Variants in RNF150 observed in about 807,000 individuals in gnomAD.
RNF150 encodes the protein ring finger protein 150.
In RNF150, 24 loss-of-function variants were observed where a neutral mutation model predicts 39.3. That is an observed-to-expected ratio of 0.61 (90% CI 0.44 to 0.86). The LOEUF (loss-of-function observed/expected upper bound fraction) is 0.86. Among genes scored for constraint, RNF150 ranks in the 40% least tolerant of loss-of-function variants. The pLI, the probability that RNF150 is intolerant of heterozygous loss-of-function variation, is 0.00. For missense variants in RNF150, 502 were observed against 587.8 expected (o/e 0.85, Z 1.51); for synonymous variants, 255 against 227.3 (o/e 1.12, Z -1.10).
At chr4:140,983,654 C>A (rs571729860) in intron 1 of RNF150, among the ~76,000 whole-genome samples, 1 of 151,100 alleles carries the variant, frequency 6.6e-6, no homozygotes, top group African/African-American at 2.4e-5. Context: ...TCTAGGCATG[C>A]GTGGAAAGAG....
chr4:140,967,686 G>T lies in RNF150; in HGVS notation c.672C>A (p.Leu224=). The T allele has an allele frequency of 1.2e-6, 2 of 1,613,398 alleles. No homozygotes were observed. Among genetic ancestry groups the T allele is most frequent in the Non-Finnish European group, 1.7e-6 (2 of 1,179,514 alleles). ...GGATGTAATAAAAGACGAGCCATGCGAGGGAAATGATCATCAGGACAATGA... is the reference window on the plus strand; with the variant it reads ...GGATGTAATAAAAGACGAGCCATGCTAGGGAAATGATCATCAGGACAATGA... The part of the protein sequence containing the change: ...ISFIVLMIIS[L]AWLVFYYIQR... The change falls in exon 2 of 7, where the codon CTC becomes CTA. Residue 224 remains leucine (L), a synonymous_variant. Coordinates refer to ENST00000515673, the MANE Select transcript of RNF150 (RefSeq NM_020724.2).
intron 2 of RNF150, among the ~76,000 whole-genome samples, chr4:140,965,063 C>G (rs4956496): frequency 0.45 from 68,398 of 151,784 alleles, 16,390 homozygotes; most frequent in East Asian, 0.72. Context: ...AAGTTATCTA[C>G]AGATTAAAGA....
chr4:140,975,604 T>C (rs1733634690), intron 1 of RNF150, among the ~76,000 whole-genome samples: 3 of 152,218 alleles, frequency 2.0e-5, no homozygotes, highest in Admixed American at 6.5e-5. Flanking sequence ...TTAATAATGG[T>C]GGGATTCCTC....
At chr4:140,913,751 G>C (rs11735133) in intron 5 of RNF150, among the ~76,000 whole-genome samples, 83,922 of 152,040 alleles carry the variant, frequency 0.55, 23,665 homozygotes, top group East Asian at 0.89. Flanking sequence ...GCCCCTAATA[G>C]TGCCACTGAC....
intron 1 of RNF150, among the ~76,000 whole-genome samples, chr4:141,193,573 G>A (rs1331195650): frequency 6.6e-6 from 1 of 152,048 alleles, no homozygotes; most frequent in Non-Finnish European, 1.5e-5. Context: ...TCTCTTTATG[G>A]CACTTAGATT....
At chr4:140,887,385 A>G (rs1218037279) in intron 6 of RNF150, among the ~76,000 whole-genome samples, 6 of 152,236 alleles carry the variant, frequency 3.9e-5, no homozygotes, top group Non-Finnish European at 8.8e-5. Flanking sequence ...GCCAGATAAT[A>G]TGCAGCTAAT....
intron 1 of RNF150, among the ~76,000 whole-genome samples, chr4:141,032,935 T>C (rs1736007956): frequency 6.6e-6 from 1 of 152,222 alleles, no homozygotes; most frequent in Admixed American, 6.6e-5. Flanking sequence ...TGAGTTATAA[T>C]CTTTTTGCCA....
chr4:141,031,300 C>A (rs935298526), intron 1 of RNF150, among the ~76,000 whole-genome samples: 2 of 151,956 alleles, frequency 1.3e-5, no homozygotes, highest in Non-Finnish European at 2.9e-5. Flanking sequence ...AACTAATAAA[C>A]TAGTAGAAGA....
intron 4 of RNF150, among the ~76,000 whole-genome samples, chr4:140,932,676 A>T (rs1165234484): frequency 6.6e-6 from 1 of 152,188 alleles, no homozygotes; most frequent in Non-Finnish European, 1.5e-5. Flanking sequence ...TAACAGCAGC[A>T]CCTATCTGAG....
chr4:140,896,717 C>T (rs1364152210), intron 6 of RNF150, among the ~76,000 whole-genome samples: 10,375 of 57,766 alleles, frequency 0.18, 520 homozygotes, highest in Admixed American at 0.25. Flanking sequence ...AACAAACAAA[C>T]AAACAAAAAA....
chr4:140,894,332 T>C (rs191097604), intron 6 of RNF150, among the ~76,000 whole-genome samples: 2 of 152,374 alleles, frequency 1.3e-5, no homozygotes, highest in Admixed American at 1.3e-4. Flanking sequence ...TGAGGTCTTC[T>C]AGGTATCTTC....
chr4:141,132,194 G>T lies in RNF150; in HGVS notation c.484+131C>A. On this transcript the variant is annotated intron_variant, in intron 1 of 6. Transcript: ENST00000515673. The surrounding 1 kb of genome is among the most constrained non-coding windows in gnomAD (Gnocchi z 4.9). ...AGTGACGCGGAGCAAAACTTAATCG[G>T]TCCAGGGAACCCAGACACGTCTTCC... 1 of 942,180 alleles carries T rather than the reference G, an allele frequency of 1.1e-6. No individual in the cohort carries two copies. Among genetic ancestry groups the T allele is most frequent in the Non-Finnish European group, 1.6e-6 (1 of 627,112 alleles). 58.4% of individuals were successfully genotyped at this position (942,180 alleles called of 1,614,324 possible). A position where few individuals can be genotyped will look rare whatever the true frequency, so the allele number is the denominator to read the frequency against.
rs560336850 is a variant in RNF150 at position 141,132,251 on chromosome 4, A to C, written c.484+74T>G. 1 of 1,462,268 alleles carries C rather than the reference A, an allele frequency of 6.8e-7. No individual in the cohort carries two copies. The highest frequency in any genetic ancestry group is 9.3e-7 in the Non-Finnish European group (1 of 1,076,794). 90.6% of individuals were successfully genotyped at this position (1,462,268 alleles called of 1,614,324 possible). A position where few individuals can be genotyped will look rare whatever the true frequency, so the allele number is the denominator to read the frequency against. On this transcript the variant is annotated intron_variant, in intron 1 of 6. Transcript: ENST00000515673. This position sits in a 1 kb window ranked among gnomAD's most constrained non-coding sequence, Gnocchi z 4.9. ...CACGGACTTCCCAGAAGGAGCCTGG[A>C]GGCAGGCGCTGGATCCCTCTAGGCA...
chr4:140,867,688 G>A lies in RNF150; in HGVS notation c.*573C>T, dbSNP rs993805167. 1 of 152,198 alleles carries A rather than the reference G, an allele frequency of 6.6e-6. No individual in the cohort carries two copies. The highest frequency in any genetic ancestry group is 2.4e-5 in the African/African-American group (1 of 41,438). 9.4% of individuals were successfully genotyped at this position (152,198 alleles called of 1,614,324 possible). On this transcript the variant is annotated 3_prime_UTR_variant, in exon 7 of 7. Transcript: ENST00000515673. Reference sequence around the variant, plus strand: ...GAAAGCTGGCCTTAGTCCATTTCAGGGTGCTGAGGCACTTCTCAAAGCCAT... The same window carrying A: ...GAAAGCTGGCCTTAGTCCATTTCAGAGTGCTGAGGCACTTCTCAAAGCCAT...
chr4:140,962,235 A>T (rs1198672393), intron 2 of RNF150, among the ~76,000 whole-genome samples: 1 of 151,760 alleles, frequency 6.6e-6, no homozygotes, highest in Non-Finnish European at 1.5e-5. Flanking sequence ...CATTTTCTTC[A>T]GTCTAGAGCT....
chr4:141,164,089 C>T (rs1037072082), intron 1 of RNF150, among the ~76,000 whole-genome samples: 13 of 151,654 alleles, frequency 8.6e-5, no homozygotes, highest in African/African-American at 3.2e-4. Context: ...ACTAGAATAA[C>T]CAGTTTAGAG....
rs1230639274 is a variant in RNF150, at chr4:140,896,723, A to T, written c.1198+14421T>A. On this transcript the variant is annotated intron_variant, in intron 6 of 6. Transcript: ENST00000515673. ...AAACAAAAAAACAAACAAACAAACA[A>T]AAAAAAATAATTTTTTTTCTTTAAA... 4.4e-3 allele frequency among the ~76,000 whole-genome samples: 599 copies of T among 136,088 alleles called. 18 individuals carry two copies. The highest frequency in any genetic ancestry group is 0.014 in the African/African-American group (501 of 34,958). 89.3% of individuals were successfully genotyped at this position (136,088 alleles called of 152,430 possible). A position where few individuals can be genotyped will look rare whatever the true frequency, so the allele number is the denominator to read the frequency against.
intron 1 of RNF150, among the ~76,000 whole-genome samples, chr4:141,059,844 A>G (rs1737141542): frequency 6.6e-6 from 1 of 152,178 alleles, no homozygotes; most frequent in Non-Finnish European, 1.5e-5. Flanking sequence ...GCCATTTAAA[A>G]AAAGTTTTCA....
rs539817583 is a variant in RNF150, at chr4:141,015,284, G to A, written c.485-47411C>T. On this transcript the variant is annotated intron_variant, in intron 1 of 6. Transcript: ENST00000515673. ...AGACTTTTTCATTTTGCTCAAGACTGTTTTGGCTATTTGGTATCTTTTATG... is the reference window on the plus strand; with the variant it reads ...AGACTTTTTCATTTTGCTCAAGACTATTTTGGCTATTTGGTATCTTTTATG... Among the ~76,000 whole-genome samples, 12 of 152,218 alleles carry A rather than the reference G, an allele frequency of 7.9e-5. No homozygotes were observed. In the South Asian group the frequency reaches 2.3e-3, roughly 29 times the overall value.
Sources: allele counts gnomAD v4.1 joint callset (sites outside exome capture counted in the v4.1 genomes callset), GRCh38; gene constraint gnomAD v4.1.1; non-coding constraint Gnocchi (gnomAD v3.1); transcripts MANE v1.5; gene names NCBI Gene and HGNC (gene_info 2026-07-23, HGNC 2026-07-21).